Variants in IRF4 observed in about 807,000 individuals in gnomAD.
The protein encoded by IRF4 is lymphocyte-specific interferon regulatory factor.
A neutral mutation model predicts 55.5 loss-of-function variants in IRF4; 13 were observed. The observed-to-expected ratio is 0.23, with a 90% CI of 0.15 to 0.37. The LOEUF (loss-of-function observed/expected upper bound fraction) is 0.37. IRF4 is among the 10% of genes least tolerant of loss of function. The pLI, the probability that IRF4 is intolerant of heterozygous loss-of-function variation, is 1.00. For missense variants in IRF4, 397 were observed against 593.8 expected, an observed-to-expected ratio of 0.67 and a Z score of 3.44; for synonymous variants, 249 against 240.7, an observed-to-expected ratio of 1.03 and a Z score of -0.32.
In IRF4 at chr6:393,094, G is replaced by C. The variant is rs758729835; in HGVS notation, c.-55-4G>C. The C allele has an allele frequency of 2.7e-6, 4 of 1,459,132 alleles. No homozygotes were observed. Among genetic ancestry groups the C allele is most frequent in the Non-Finnish European group, 2.8e-6 (3 of 1,075,608 alleles). 90.4% of individuals were successfully genotyped at this position (1,459,132 alleles called of 1,614,324 possible). On this transcript the variant is annotated splice_region_variant and splice_polypyrimidine_tract_variant and intron_variant, in intron 1 of 8. Transcript: ENST00000380956. The surrounding 1 kb of genome is among the most constrained non-coding windows in gnomAD (Gnocchi z 5.4). Reference sequence around the variant, plus strand: ...TGGCTGAAGGGCAGCTCTTCTCCCCGCAGTGCAGAGCAGAGCGGGCGGAGG... The same window carrying C: ...TGGCTGAAGGGCAGCTCTTCTCCCCCCAGTGCAGAGCAGAGCGGGCGGAGG...
At chr6:406,826 A>T (rs930596000) in intron 8 of IRF4, 3 of 1,182,694 alleles carry the variant, frequency 2.5e-6, no homozygotes, top group Non-Finnish European at 3.2e-6. Flanking sequence ...ATCATGATTG[A>T]TGGAGAGCAT....
rs1202171815 is a variant in IRF4 at position 393,293 on chromosome 6, G to A, written c.141G>A (p.Lys47=). 8 of 1,607,648 alleles carry A rather than the reference G, an allele frequency of 5.0e-6. No homozygotes were observed. The highest frequency in any genetic ancestry group is 2.2e-5 in the South Asian group (2 of 89,432). Residue 47 remains lysine, a synonymous_variant, in exon 2 of 9, where the codon AAG becomes AAA. Coordinates refer to ENST00000380956, the MANE Select transcript of IRF4 (RefSeq NM_002460.4). The surrounding 1 kb of genome is among the most constrained non-coding windows in gnomAD (Gnocchi z 5.4). ...YPGLVWENEE[K]SIFRIPWKHA... is the part of the protein sequence containing the mutation. Reference sequence around the variant, plus strand: ...GGCTGGTGTGGGAGAACGAGGAGAAGAGCATCTTCCGCATCCCCTGGAAGC... The same window carrying A: ...GGCTGGTGTGGGAGAACGAGGAGAAAAGCATCTTCCGCATCCCCTGGAAGC...
At position 405,146 on chromosome 6, in the gene IRF4, C is replaced by T. The variant is rs75719951; in HGVS notation, c.1212+16C>T. 4 of 1,346,136 alleles carry T rather than the reference C, an allele frequency of 3.0e-6. 1 individual carries two copies. The highest frequency in any genetic ancestry group is 2.3e-5 in the South Asian group (2 of 85,592). The allele number at this position is 1,346,136 out of a possible 1,614,324, so 83.4% of individuals were successfully genotyped here. ...CACAGCTCACGTGAGTCCTCAGTTA[C>T]ACTCCTACCATAGTGGCTTCCTGTT... is the stretch of plus-strand genomic sequence containing the variant. On this transcript the variant is annotated intron_variant, in intron 8 of 8. Transcript: ENST00000380956.
rs35128603 is a variant in IRF4 at position 393,626 on chromosome 6, C to T, written c.216+258C>T. On this transcript the variant is annotated intron_variant, in intron 2 of 8. Coordinates refer to ENST00000380956, the MANE Select transcript of IRF4 (RefSeq NM_002460.4). The surrounding 1 kb of genome is among the most constrained non-coding windows in gnomAD (Gnocchi z 5.4). ...AAACCGCTGAAGGCCCGGCCGGGCC[C>T]GGGGAAGGGCGGCCAAAGGCTTGAG... Among the ~76,000 whole-genome samples, 3 of 152,208 alleles carry T rather than the reference C, an allele frequency of 2.0e-5. No individual in the cohort carries two copies. The East Asian group carries it at 5.8e-4, about 30-fold the overall frequency.
In IRF4 at chr6:395,938, A is replaced by T. The variant is rs1395149858; in HGVS notation, c.492+3A>T. ...CTTACCCTTCGCTCCCAGCCCAGGTATGGTGGAGGGCACTGGGCTCCCTGA... is the reference window on the plus strand; with the variant it reads ...CTTACCCTTCGCTCCCAGCCCAGGTTTGGTGGAGGGCACTGGGCTCCCTGA... On this transcript the variant is annotated splice_donor_region_variant and intron_variant, in intron 4 of 8. Transcript: ENST00000380956. The T allele has an allele frequency of 1.4e-5, 23 of 1,610,946 alleles. No homozygotes were observed. The highest frequency in any genetic ancestry group is 1.9e-5 in the Non-Finnish European group (22 of 1,177,922).
chr6:405,705 G>A (rs889792554), intron 8 of IRF4, among the ~76,000 whole-genome samples: 3 of 152,160 alleles, frequency 2.0e-5, no homozygotes, highest in South Asian at 2.1e-4. Flanking sequence ...AGACCCTCTC[G>A]TAATGTTCTC....
In IRF4 at chr6:393,538, C is replaced by G. The variant is rs1250019493; in HGVS notation, c.216+170C>G. 6.6e-6 allele frequency among the ~76,000 whole-genome samples: 1 copy of G among 152,072 alleles called. No homozygotes were observed. Among genetic ancestry groups the G allele is most frequent in the Non-Finnish European group, 1.5e-5 (1 of 67,972 alleles). ...GAGCCGCAGGAGGAGGAAAGGAGGCCTCGGCTCTCAGCGGGACCGCGGGGG... is the reference window on the plus strand; with the variant it reads ...GAGCCGCAGGAGGAGGAAAGGAGGCGTCGGCTCTCAGCGGGACCGCGGGGG... On this transcript the variant is annotated intron_variant, in intron 2 of 8. Coordinates refer to ENST00000380956, the MANE Select transcript of IRF4 (RefSeq NM_002460.4). The surrounding 1 kb of genome is among the most constrained non-coding windows in gnomAD (Gnocchi z 5.4).
Position 411,086 on chromosome 6 carries a change from G to A in IRF4, c.*3488G>A. On this transcript the variant is annotated 3_prime_UTR_variant, in exon 9 of 9. Transcript: ENST00000380956. ...GGGACGTGAGAGAAGGGCCAGGCCG[G>A]CAGGCCAACCCTCCTCCAATGGAAA... The A allele has an allele frequency of 4.3e-6, 1 of 233,274 alleles. No individual in the cohort carries two copies. The allele number at this position is 233,274 out of a possible 1,614,324, so 14.5% of individuals were successfully genotyped here. A position where few individuals can be genotyped will look rare whatever the true frequency, so the allele number is the denominator to read the frequency against.
chr6:405,799 T>C (rs1411386207), intron 8 of IRF4, among the ~76,000 whole-genome samples: 3 of 152,200 alleles, frequency 2.0e-5, no homozygotes, highest in Non-Finnish European at 4.4e-5. Context: ...TTCTTTTTTA[T>C]GAGAAAAGGT....
At chr6:404,120 C>G (rs558538437) in intron 7 of IRF4, among the ~76,000 whole-genome samples, 1 of 152,176 alleles carries the variant, frequency 6.6e-6, no homozygotes, top group Non-Finnish European at 1.5e-5. Context: ...CTGATAAGGA[C>G]GCGTCTGTTC....
rs1300329604 is a variant in IRF4 at position 391,801 on chromosome 6, C to T, written c.-64C>T. 6.6e-6 allele frequency: 3 copies of T among 456,234 alleles called. No individual in the cohort carries two copies. Among genetic ancestry groups the T allele is most frequent in the South Asian group, 1.5e-5 (1 of 64,558 alleles). The allele number at this position is 456,234 out of a possible 1,614,324, so 28.3% of individuals were successfully genotyped here. ...CCACCGCTGCCCTCAGCTCCGAGTC[C>T]AGGGCGAGGTAAGGGCTGGAGTCGG... is the stretch of plus-strand genomic sequence containing the variant. On this transcript the variant is annotated 5_prime_UTR_variant, in exon 1 of 9. Coordinates refer to ENST00000380956, the MANE Select transcript of IRF4 (RefSeq NM_002460.4).
At chr6:403,132 T>G (rs1356201605) in intron 7 of IRF4, among the ~76,000 whole-genome samples, 1 of 152,178 alleles carries the variant, frequency 6.6e-6, no homozygotes, top group Non-Finnish European at 1.5e-5. Flanking sequence ...AGTGAGGAAG[T>G]CACCTGGGGC....
chr6:394,608 G>T (rs1761206273), intron 2 of IRF4, among the ~76,000 whole-genome samples: 1 of 152,112 alleles, frequency 6.6e-6, no homozygotes, highest in Non-Finnish European at 1.5e-5. Flanking sequence ...AATTAGCCAG[G>T]CATGGTGGTG....
In IRF4 at chr6:394,931, A is replaced by G. The variant is rs1421643861; in HGVS notation, c.327A>G (p.Glu109=). Residue 109 remains glutamate (E), a synonymous_variant, in exon 3 of 9, where the codon GAA becomes GAG. Coordinates refer to ENST00000380956, the MANE Select transcript of IRF4 (RefSeq NM_002460.4). ...TGAACAAGAGCAATGACTTTGAGGAACTGGTTGAGCGGAGCCAGCTGGACA... is the reference window on the plus strand; with the variant it reads ...TGAACAAGAGCAATGACTTTGAGGAGCTGGTTGAGCGGAGCCAGCTGGACA... ...CALNKSNDFE[E]LVERSQLDIS... is the part of the protein sequence containing the mutation. The G allele has an allele frequency of 1.2e-6, 2 of 1,614,200 alleles. No individual in the cohort carries two copies. The highest frequency in any genetic ancestry group is 1.7e-6 in the Non-Finnish European group (2 of 1,180,028).
chr6:407,005 T>A (rs1761564251), intron 8 of IRF4: 1 of 612,534 alleles, frequency 1.6e-6, no homozygotes, highest in South Asian at 5.4e-5. Flanking sequence ...ACTTTTTATT[T>A]CTTTTACCTC....
intron 7 of IRF4, among the ~76,000 whole-genome samples, chr6:403,278 G>C (rs1390873329): frequency 3.9e-5 from 6 of 152,264 alleles, no homozygotes; most frequent in Non-Finnish European, 7.3e-5. Context: ...CCCCTCCCCT[G>C]TCAGCATCTC....
rs1419837357 is a variant in IRF4, at chr6:407,565, C to T, written c.1323C>T (p.His441=). The change falls in exon 9 of 9, where the codon CAC becomes CAT. Residue 441 remains histidine, a synonymous_variant. Coordinates refer to ENST00000380956, the MANE Select transcript of IRF4 (RefSeq NM_002460.4). The part of the protein sequence containing the change: ...PEHISNPEDY[H]RSIRHSSIQE ...ACATCAGCAATCCAGAAGATTACCA[C>T]AGATCTATCCGCCATTCCTCTATTC... is the stretch of plus-strand genomic sequence containing the variant. The T allele has an allele frequency of 1.2e-6, 2 of 1,610,700 alleles. No individual in the cohort carries two copies. Among genetic ancestry groups the T allele is most frequent in the Non-Finnish European group, 1.7e-6 (2 of 1,179,156 alleles).
chr6:399,013 C>T lies in IRF4; in HGVS notation c.745+78C>T, dbSNP rs954218080. 1.3e-5 allele frequency: 13 copies of T among 965,916 alleles called. 1 individual carries two copies. Among genetic ancestry groups the T allele is most frequent in the Middle Eastern group, 3.3e-4 (1 of 3,036 alleles). The allele number at this position is 965,916 out of a possible 1,614,324, so 59.8% of individuals were successfully genotyped here. A position where few individuals can be genotyped will look rare whatever the true frequency, so the allele number is the denominator to read the frequency against. On this transcript the variant is annotated intron_variant, in intron 6 of 8. Coordinates refer to ENST00000380956, the MANE Select transcript of IRF4 (RefSeq NM_002460.4). Reference sequence around the variant, plus strand: ...CAGCTCTGTCATCTTTGGGCAGATTCGATGGGACTTTAGACACTTGCTTTG... The same window carrying T: ...CAGCTCTGTCATCTTTGGGCAGATTTGATGGGACTTTAGACACTTGCTTTG...
rs1561721156 is a variant in IRF4, at chr6:408,196, G to A, written c.*598G>A. On this transcript the variant is annotated 3_prime_UTR_variant, in exon 9 of 9. Transcript: ENST00000380956. ...AGGTATGTCTGTGCCATTTCTCAGG[G>A]AAGTAAGATGTAAATTGAAGAAGCC... The A allele has an allele frequency of 1.3e-5, 3 of 233,326 alleles. No individual in the cohort carries two copies. The highest frequency in any genetic ancestry group is 2.5e-5 in the Non-Finnish European group (3 of 117,908). The allele number at this position is 233,326 out of a possible 1,614,324, so 14.5% of individuals were successfully genotyped here.
Sources: allele counts gnomAD v4.1 joint callset (sites outside exome capture counted in the v4.1 genomes callset), GRCh38; gene constraint gnomAD v4.1.1; non-coding constraint Gnocchi (gnomAD v3.1); transcripts MANE v1.5; gene names NCBI Gene and HGNC (gene_info 2026-07-23, HGNC 2026-07-21).